The following TMEM150C variants were observed in gnomAD, a reference collection of about 807,000 sequenced individuals.
TMEM150C encodes tentonin 3.
TMEM150C carries 10 observed loss-of-function variants against 29.9 expected under a neutral mutation model. The observed-to-expected ratio is 0.33, with a 90% CI of 0.21 to 0.57. The LOEUF is 0.57. TMEM150C is among the 20% of genes least tolerant of loss of function. TMEM150C has a pLI of 0.88. For synonymous variants in TMEM150C, 101 were observed against 112.5 expected (o/e 0.90, Z 0.64); for missense variants, 251 against 303.6 (o/e 0.83, Z 1.29).
chr4:82,544,158 G>T (rs1408659905), intron 1 of TMEM150C, among the ~76,000 whole-genome samples: 3 of 152,322 alleles, frequency 2.0e-5, no homozygotes, highest in African/African-American at 7.2e-5. Flanking sequence ...ACACCCTAGG[G>T]TGCCATGTCG....
intron 5 of TMEM150C, among the ~76,000 whole-genome samples, chr4:82,497,614 T>C (rs1024690826): frequency 2.6e-5 from 4 of 152,212 alleles, no homozygotes; most frequent in African/African-American, 9.7e-5. Context: ...TTTATAAAAA[T>C]CTCAAATTGT....
Position 82,485,366 on chromosome 4 carries a change from G to A in TMEM150C, c.*145C>T. On this transcript the variant is annotated 3_prime_UTR_variant, in exon 8 of 8. Coordinates refer to ENST00000449862, the MANE Select transcript of TMEM150C (RefSeq NM_001080506.3). ...TTTCATTAAAGAAATAACTCGCCCT[G>A]AAAAGCTCATTTGGCAAATGTGGCC... 1 of 667,212 alleles carries A rather than the reference G, an allele frequency of 1.5e-6. No individual in the cohort carries two copies. Among genetic ancestry groups the A allele is most frequent in the Admixed American group, 2.8e-5 (1 of 35,512 alleles). 41.3% of individuals were successfully genotyped at this position (667,212 alleles called of 1,614,324 possible).
At chr4:82,496,273 T>C in intron 5 of TMEM150C, 78 bp from the exon 6 acceptor site, 2 of 1,372,952 alleles carry the variant, frequency 1.5e-6, no homozygotes, top group East Asian at 2.3e-5. Context: ...CTATTATTAT[T>C]ATTTTTTTAT....
chr4:82,560,629 A>G (rs1039353830), intron 1 of TMEM150C, among the ~76,000 whole-genome samples: 1 of 152,198 alleles, frequency 6.6e-6, no homozygotes, highest in African/African-American at 2.4e-5. Flanking sequence ...GGTCACATAT[A>G]TGGGCCTAAC....
At chr4:82,517,997 A>T (rs1724348074) in intron 1 of TMEM150C, among the ~76,000 whole-genome samples, 1 of 152,092 alleles carries the variant, frequency 6.6e-6, no homozygotes, top group South Asian at 2.1e-4. Context: ...ACCTCTCCTT[A>T]CAGAGACTAA....
Position 82,506,322 on chromosome 4 carries a change from A to C in TMEM150C, c.-10-1655T>G, listed in dbSNP as rs372902802. On this transcript the variant is annotated intron_variant, in intron 1 of 7. Transcript: ENST00000449862. Reference sequence around the variant, plus strand: ...AGAACTGGTCTACCTGATTACGTAGATCTTTCAGACTAAGAGATAGACACT... The same window carrying C: ...AGAACTGGTCTACCTGATTACGTAGCTCTTTCAGACTAAGAGATAGACACT... Among the ~76,000 whole-genome samples, 11 of 152,372 alleles carry C rather than the reference A, an allele frequency of 7.2e-5. No homozygotes were observed. The South Asian group carries it at 2.3e-3, about 32-fold the overall frequency.
intron 1 of TMEM150C, among the ~76,000 whole-genome samples, chr4:82,551,300 T>C (rs1002918306): frequency 1.9e-4 from 29 of 152,334 alleles, no homozygotes; most frequent in African/African-American, 6.7e-4. Context: ...ACTATTTATT[T>C]ATCTACGGTC....
At chr4:82,557,922 A>G (rs1399186341) in intron 1 of TMEM150C, among the ~76,000 whole-genome samples, 3 of 151,674 alleles carry the variant, frequency 2.0e-5, no homozygotes, top group Non-Finnish European at 4.4e-5. Context: ...TAGTGGACAC[A>G]GGGTTTCACT....
chr4:82,498,396 T>C (rs1225144975), intron 5 of TMEM150C, among the ~76,000 whole-genome samples: 1 of 152,102 alleles, frequency 6.6e-6, no homozygotes, highest in Admixed American at 6.6e-5. Context: ...TTTAAGCGAT[T>C]CTCCTGCCTC....
At position 82,484,105 on chromosome 4, in the gene TMEM150C, C is replaced by T. The variant is rs1723084258; in HGVS notation, c.*1406G>A. The T allele has an allele frequency of 6.6e-6, 1 of 152,022 alleles. No homozygotes were observed. The highest frequency in any genetic ancestry group is 2.1e-4 in the South Asian group (1 of 4,824). The allele number at this position is 152,022 out of a possible 1,614,324, so 9.4% of individuals were successfully genotyped here. On this transcript the variant is annotated 3_prime_UTR_variant, in exon 8 of 8. Transcript: ENST00000449862. ...CACACCCAGCCTAAAAAATGTTTTT[C>T]ATATTATATTCCAGGTAATCCCAGA...
intron 1 of TMEM150C, among the ~76,000 whole-genome samples, chr4:82,538,107 G>T (rs2110086179): frequency 6.6e-6 from 1 of 152,236 alleles, no homozygotes; most frequent in Admixed American, 6.5e-5. Flanking sequence ...CACCCAGGTT[G>T]GTGTGTGGTA....
At chr4:82,488,577 C>T (rs1305571871) in intron 7 of TMEM150C, among the ~76,000 whole-genome samples, 1 of 152,058 alleles carries the variant, frequency 6.6e-6, no homozygotes, top group Non-Finnish European at 1.5e-5. Context: ...CTGAGGAGGG[C>T]CTTACTGGAG....
At chr4:82,557,734 C>CTTTTTT (rs767919077) in intron 1 of TMEM150C, among the ~76,000 whole-genome samples, 30 of 131,334 alleles carry the variant, frequency 2.3e-4, no homozygotes, top group Non-Finnish European at 3.0e-4. Flanking sequence ...TTTTCTTTTT[C>CTTTTTT]TTTTTTTTTT....
intron 6 of TMEM150C, chr4:82,491,548 G>T (rs542792153): frequency 3.0e-6 from 2 of 669,934 alleles, no homozygotes; most frequent in East Asian, 2.6e-5. Context: ...TCAAACCAGG[G>T]ATTCACCACT....
intron 1 of TMEM150C, among the ~76,000 whole-genome samples, chr4:82,523,400 C>T (rs1724550711): frequency 6.6e-6 from 1 of 152,192 alleles, no homozygotes; most frequent in South Asian, 2.1e-4. Context: ...CTGGCCCTCT[C>T]ATCCCAGCCT....
Position 82,559,892 on chromosome 4 carries a change from T to C in TMEM150C, c.-11+2014A>G, listed in dbSNP as rs193279638. On this transcript the variant is annotated intron_variant, in intron 1 of 7. Coordinates refer to ENST00000449862, the MANE Select transcript of TMEM150C (RefSeq NM_001080506.3). ...TGCGGGGTCCAGCTAGCTTTTCCTC[T>C]CTCATGACTCCAGGCTGCCCTGCTA... is the stretch of plus-strand genomic sequence containing the variant. Among the ~76,000 whole-genome samples, 325 of 152,272 alleles carry C rather than the reference T, an allele frequency of 2.1e-3. 1 individual carries two copies. The highest frequency in any genetic ancestry group is 7.4e-3 in the African/African-American group (306 of 41,554).
chr4:82,541,015 T>A (rs2110087659), intron 1 of TMEM150C, among the ~76,000 whole-genome samples: 1 of 152,268 alleles, frequency 6.6e-6, no homozygotes, highest in Non-Finnish European at 1.5e-5. Flanking sequence ...CACAGTGCAC[T>A]CCAATTTATT....
chr4:82,547,135 T>C (rs554694884), intron 1 of TMEM150C, among the ~76,000 whole-genome samples: 1 of 152,196 alleles, frequency 6.6e-6, no homozygotes, highest in East Asian at 1.9e-4. Context: ...GAAGAAAATG[T>C]TGGTAAACTA....
chr4:82,494,782 A>ATT, intron 6 of TMEM150C: 2 of 244,048 alleles, frequency 8.2e-6, no homozygotes, highest in Non-Finnish European at 1.5e-5. Flanking sequence ...CAATGTTCCT[A>ATT]ATTTTTTTTT....
Sources: gnomAD v4.1 joint callset for allele counts (sites outside exome capture counted in the v4.1 genomes callset) on GRCh38, gnomAD v4.1.1 for gene constraint, MANE v1.5 for transcripts, NCBI Gene and HGNC (gene_info 2026-07-23, HGNC 2026-07-21) for gene names.